HSDL2: variants seen among roughly 807,000 people sequenced by gnomAD.
HSDL2 encodes hydroxysteroid dehydrogenase-like protein 2.
A neutral mutation model predicts 46.3 loss-of-function variants in HSDL2; 27 were observed. The observed-to-expected ratio is 0.58, with a 90% confidence interval of 0.43 to 0.80. The LOEUF is 0.80. Ranked by LOEUF, HSDL2 falls within the 30% of genes least tolerant of loss-of-function variation. The probability of loss-of-function intolerance (pLI) is 0.00; values close to 1 mark genes in which losing one functional copy is unlikely to be tolerated. For missense variants in HSDL2, 451 were observed against 502.7 expected, an observed-to-expected ratio of 0.90 and a Z score of 0.98; for synonymous variants, 153 against 163.6, an observed-to-expected ratio of 0.94 and a Z score of 0.50.
In HSDL2 at chr9:112,459,531, TGTG is replaced by T. The variant is rs1355364117; in HGVS notation, c.1102_1104del (p.Val368del). On this transcript the variant is annotated inframe_deletion, in exon 10 of 11. Transcript: ENST00000398805. ...ATGGAGAGCCTTCTGATCAGGCAGA[TGTG>T]GTGATGAGTATGACTACTGATGACT... 2.5e-6 allele frequency: 4 copies of T among 1,613,778 alleles called. No individual in the cohort carries two copies. In the Admixed American group the frequency reaches 5.0e-5, roughly 20 times the overall value.
At chr9:112,431,043 T>G (rs113039601) in intron 6 of HSDL2, among the ~76,000 whole-genome samples, 4,329 of 117,728 alleles carry the variant, frequency 0.037, 253 homozygotes, top group African/African-American at 0.14. Flanking sequence ...CAGAGTGAGA[T>G]TCCAACTCAA....
chr9:112,408,699 C>A lies in HSDL2; in HGVS notation c.281-208C>A, dbSNP rs989683101. Among the ~76,000 whole-genome samples the A allele has an allele frequency of 9.2e-5, 14 of 151,952 alleles. 1 individual carries two copies. Among genetic ancestry groups the A allele is most frequent in the Admixed American group, 7.9e-4 (12 of 15,244 alleles). On this transcript the variant is annotated intron_variant, in intron 3 of 10. Coordinates refer to ENST00000398805, the MANE Select transcript of HSDL2 (RefSeq NM_032303.5). ...ACACAACAGTAAGTATGTATCTGAACAAACTTAGACAGAAAAGAGATAAAA... is the reference window on the plus strand; with the variant it reads ...ACACAACAGTAAGTATGTATCTGAAAAAACTTAGACAGAAAAGAGATAAAA...
chr9:112,423,165 G>A (rs1180495258), intron 6 of HSDL2, among the ~76,000 whole-genome samples: 1 of 152,112 alleles, frequency 6.6e-6, no homozygotes, highest in Non-Finnish European at 1.5e-5. Flanking sequence ...ATGGTCAAAT[G>A]TACATGGATT....
intron 8 of HSDL2, among the ~76,000 whole-genome samples, chr9:112,452,475 G>A (rs1316664881): frequency 1.3e-5 from 2 of 152,192 alleles, no homozygotes; most frequent in African/African-American, 4.8e-5. Context: ...GGCCGGGCAC[G>A]GTGGCTCACG....
At chr9:112,451,746 A>ATT (rs555635913) in intron 8 of HSDL2, among the ~76,000 whole-genome samples, 1 of 144,098 alleles carries the variant, frequency 6.9e-6, no homozygotes, top group Non-Finnish European at 1.5e-5. Flanking sequence ...CTCCTCTTGC[A>ATT]TTTTTTTTTT....
chr9:112,430,080 T>C (rs1832351782), intron 6 of HSDL2, among the ~76,000 whole-genome samples: 1 of 149,194 alleles, frequency 6.7e-6, no homozygotes, highest in Admixed American at 6.7e-5. Flanking sequence ...TTAAACCCTA[T>C]CTCAAAAAAA....
intron 10 of HSDL2, chr9:112,469,681 A>G (rs986685642): frequency 1.3e-5 from 2 of 152,154 alleles, no homozygotes; most frequent in Non-Finnish European, 2.9e-5. Context: ...AAAAAAAAAA[A>G]AAAAAAAAGG....
intron 10 of HSDL2, among the ~76,000 whole-genome samples, 160 bp from the exon 11 acceptor site, chr9:112,470,272 G>A (rs925732396): frequency 6.6e-6 from 1 of 152,014 alleles, no homozygotes; most frequent in African/African-American, 2.4e-5. Context: ...CTAGGAATTG[G>A]GATTCCCAAG....
intron 7 of HSDL2, among the ~76,000 whole-genome samples, chr9:112,440,038 G>A (rs976794858): frequency 6.6e-6 from 1 of 152,168 alleles, no homozygotes; most frequent in African/African-American, 2.4e-5. Context: ...GGAAAAACAG[G>A]CTCAGAGAGA....
intron 1 of HSDL2, among the ~76,000 whole-genome samples, chr9:112,390,536 C>T (rs1309540641): frequency 6.6e-6 from 1 of 152,054 alleles, no homozygotes; most frequent in Non-Finnish European, 1.5e-5. Flanking sequence ...TCACTGCAGC[C>T]TCGACCTCCT....
intron 5 of HSDL2, among the ~76,000 whole-genome samples, chr9:112,418,291 A>G (rs1183444981): frequency 6.6e-6 from 1 of 152,080 alleles, no homozygotes; most frequent in Admixed American, 6.6e-5. Context: ...TCTCAAAAAT[A>G]TATCAGGGAG....
chr9:112,442,647 G>A (rs1027984425), intron 8 of HSDL2, among the ~76,000 whole-genome samples: 5 of 152,088 alleles, frequency 3.3e-5, no homozygotes, highest in African/African-American at 1.2e-4. Flanking sequence ...ATGAATACCT[G>A]TGGGAAGAAT....
chr9:112,452,688 G>A (rs766199860), intron 8 of HSDL2, among the ~76,000 whole-genome samples: 21 of 152,208 alleles, frequency 1.4e-4, no homozygotes, highest in Non-Finnish European at 2.9e-4. Flanking sequence ...GGAGGTTGCA[G>A]TGAGCCGAGA....
chr9:112,406,646 T>A (rs1831737045), intron 3 of HSDL2, among the ~76,000 whole-genome samples: 1 of 152,062 alleles, frequency 6.6e-6, no homozygotes, highest in South Asian at 2.1e-4. Context: ...AATTTTTGTA[T>A]ATTTAGTAGA....
At chr9:112,412,113 A>T (rs533304624) in intron 4 of HSDL2, among the ~76,000 whole-genome samples, 5 of 152,204 alleles carry the variant, frequency 3.3e-5, no homozygotes, top group African/African-American at 1.2e-4. Context: ...CGCTCAAAAG[A>T]AATGCTCTTT....
rs137892331 is a variant in HSDL2 at position 112,430,573 on chromosome 9, G to A, written c.599-7858G>A. ...GAGCCTAGATTCTTGAGGGGCAAAG[G>A]GGGGAACAGTTAGGAGGCTATTGCA... On this transcript the variant is annotated intron_variant, in intron 6 of 10. Coordinates refer to ENST00000398805, the MANE Select transcript of HSDL2 (RefSeq NM_032303.5). Among the ~76,000 whole-genome samples, 111 of 152,268 alleles carry A rather than the reference G, an allele frequency of 7.3e-4. 1 individual carries two copies. Among genetic ancestry groups the A allele is most frequent in the Middle Eastern group, 3.4e-3 (1 of 294 alleles).
chr9:112,438,566 A>T lies in HSDL2; in HGVS notation c.734A>T (p.Asp245Val). 6.2e-7 allele frequency: 1 copy of T among 1,611,862 alleles called. No individual in the cohort carries two copies. The highest frequency in any genetic ancestry group is 8.5e-7 in the Non-Finnish European group (1 of 1,178,626). ...AGTTTTACTGGCAACTTTGTCATTG[A>T]TGAAAATATCTTAAAAGAAGAAGGA... The part of the protein sequence containing the change: ...PKSFTGNFVI[D>V]ENILKEEGIE... The change falls in exon 7 of 11, where the codon GAT becomes GTT. Residue 245 changes from aspartate to valine, a missense_variant. By Grantham distance (152) the Asp-to-Val change is radical (BLOSUM62 -3). Transcript: ENST00000398805.
chr9:112,414,226 C>T (rs1390098230), intron 4 of HSDL2, among the ~76,000 whole-genome samples: 1 of 152,130 alleles, frequency 6.6e-6, no homozygotes, highest in Non-Finnish European at 1.5e-5. Flanking sequence ...CATTTTGCTT[C>T]TAAGAGAAGT....
chr9:112,445,912 T>C (rs1832748761), intron 8 of HSDL2, among the ~76,000 whole-genome samples: 1 of 152,182 alleles, frequency 6.6e-6, no homozygotes, highest in Non-Finnish European at 1.5e-5. Context: ...ACACATGCAT[T>C]ACTTCCTTCC....
Sources: gnomAD v4.1 joint callset for allele counts (sites outside exome capture counted in the v4.1 genomes callset) on GRCh38, gnomAD v4.1.1 for gene constraint, MANE v1.5 for transcripts, NCBI Gene and HGNC (gene_info 2026-07-23, HGNC 2026-07-21) for gene names.